Variants in ZNF131 observed in about 807,000 individuals in gnomAD.
ZNF131 encodes zinc finger and BTB domain containing 35.
Under a neutral mutation model 60.0 loss-of-function variants are expected in ZNF131, and 7 were observed. The ratio of observed to expected loss-of-function variants is 0.12; its 90% CI spans 0.07 to 0.22. ZNF131 has a LOEUF of 0.22. Ranked by LOEUF, ZNF131 falls within the 10% of genes least tolerant of loss-of-function variation. ZNF131 has a pLI of 1.00. For missense variants in ZNF131, 493 were observed against 740.9 expected, an observed-to-expected ratio of 0.67 and a Z score of 3.88; for synonymous variants, 257 against 253.2, an observed-to-expected ratio of 1.01 and a Z score of -0.14.
chr5:43,172,089 A>G (rs1751064125), intron 5 of ZNF131, among the ~76,000 whole-genome samples: 1 of 152,154 alleles, frequency 6.6e-6, no homozygotes, highest in African/African-American at 2.4e-5. Flanking sequence ...GACTGTTTTC[A>G]TTGTCATCCT....
At chr5:43,166,530 T>G (rs1750376588) in intron 5 of ZNF131, among the ~76,000 whole-genome samples, 1 of 151,634 alleles carries the variant, frequency 6.6e-6, no homozygotes. Flanking sequence ...CTGGCTAATT[T>G]TTTGTATTTT....
At chr5:43,122,947 A>G (rs1347319181) in intron 2 of ZNF131, among the ~76,000 whole-genome samples, 2 of 152,206 alleles carry the variant, frequency 1.3e-5, no homozygotes, top group South Asian at 2.1e-4. Flanking sequence ...CAGAGTGTCA[A>G]GAGGCTCCTT....
At chr5:43,132,733 G>A (rs1030189172) in intron 3 of ZNF131, among the ~76,000 whole-genome samples, 3 of 152,070 alleles carry the variant, frequency 2.0e-5, no homozygotes, top group African/African-American at 2.4e-5. Context: ...GGGTGGTCTC[G>A]AACTCCTGAC....
At position 43,130,263 on chromosome 5, in the gene ZNF131, C is replaced by CAAAAAAAAAAAAAAAAAAAAAAAAAAA. The variant is rs765959932; in HGVS notation, c.226+6953_226+6954insAAAAAAAAAAAAAAAAAAAAAAAAAAA. Among the ~76,000 whole-genome samples the CAAAAAAAAAAAAAAAAAAAAAAAAAAA allele has an allele frequency of 4.2e-3, 138 of 33,124 alleles. 25 individuals carry two copies. Among genetic ancestry groups the CAAAAAAAAAAAAAAAAAAAAAAAAAAA allele is most frequent in the Admixed American group, 9.9e-3 (23 of 2,328 alleles). 21.7% of individuals were successfully genotyped at this position (33,124 alleles called of 152,430 possible). ...TGAGCGATAGAGTAAGACTCTGTCT[C>CAAAAAAAAAAAAAAAAAAAAAAAAAAA]CAAAAAAAAAAAAAAAAAAGAGGAA... On this transcript the variant is annotated intron_variant, in intron 3 of 6. Transcript: ENST00000682664.
intron 4 of ZNF131, among the ~76,000 whole-genome samples, chr5:43,147,768 T>C (rs1399568647): frequency 1.3e-5 from 2 of 151,214 alleles, no homozygotes; most frequent in East Asian, 1.9e-4. Context: ...GTTTTTTGGT[T>C]TTATGGCCGG....
intron 5 of ZNF131, among the ~76,000 whole-genome samples, chr5:43,172,334 A>G (rs947055259): frequency 1.3e-5 from 2 of 152,032 alleles, no homozygotes; most frequent in Non-Finnish European, 2.9e-5. Context: ...CTTAACCCCT[A>G]ATTTGGCCAG....
At chr5:43,127,571 A>G (rs1744710198) in intron 3 of ZNF131, among the ~76,000 whole-genome samples, 4 of 152,234 alleles carry the variant, frequency 2.6e-5, no homozygotes, top group Admixed American at 2.0e-4. Context: ...ATTGCGTAAA[A>G]GCAAATGACG....
chr5:43,146,381 T>C (rs1419396685), intron 4 of ZNF131, among the ~76,000 whole-genome samples: 2 of 151,998 alleles, frequency 1.3e-5, no homozygotes, highest in African/African-American at 4.8e-5. Context: ...GGTCAGGAGA[T>C]CGAGACCATC....
intron 4 of ZNF131, among the ~76,000 whole-genome samples, chr5:43,150,662 C>T (rs1237959982): frequency 6.6e-6 from 1 of 152,170 alleles, no homozygotes; most frequent in Non-Finnish European, 1.5e-5. Flanking sequence ...CACGGTGACA[C>T]ATGCCTGTAA....
intron 2 of ZNF131, 69 bp downstream of exon 2, chr5:43,122,246 CTTTTTT>C (rs35497367): frequency 7.9e-4 from 811 of 1,030,424 alleles, no homozygotes; most frequent in East Asian, 1.1e-3. Context: ...GGACACCCGC[CTTTTTT>C]TTTTTTTTTT....
chr5:43,141,480 A>G (rs1339711461), intron 4 of ZNF131, among the ~76,000 whole-genome samples: 2 of 151,982 alleles, frequency 1.3e-5, no homozygotes, highest in Non-Finnish European at 2.9e-5. Flanking sequence ...CAAGACTGGG[A>G]TCCCAAGCCT....
At position 43,161,877 on chromosome 5, in the gene ZNF131, G is replaced by A; in HGVS notation, c.1000G>A (p.Glu334Lys). The A allele has an allele frequency of 6.2e-7, 1 of 1,612,032 alleles. No homozygotes were observed. The highest frequency in any genetic ancestry group is 8.5e-7 in the Non-Finnish European group (1 of 1,179,156). ...AAAAATTCATGTATGTCAGTACTGT[G>A]AGAAACAGTTTGACCATTTTGGACA... ...GKKIHVCQYC[E>K]KQFDHFGHFK... is the part of the protein sequence containing the mutation. Residue 334 changes from glutamate (E) to lysine (K), a missense_variant, in exon 5 of 7, where the codon GAG becomes AAG. Glu to Lys is a moderately conservative substitution (Grantham distance 56). Around this residue, in one of 7 missense-constraint regions of ZNF131, gnomAD observed 22 missense variants for 26.7 expected, o/e 0.82. Coordinates refer to ENST00000682664, the MANE Select transcript of ZNF131 (RefSeq NM_001330707.2).
At chr5:43,138,587 G>T (rs1238435752) in intron 3 of ZNF131, among the ~76,000 whole-genome samples, 1 of 152,146 alleles carries the variant, frequency 6.6e-6, no homozygotes, top group Non-Finnish European at 1.5e-5. Context: ...GGGAGGCAGA[G>T]GTTGTGAGCC....
At chr5:43,125,681 C>A (rs371961640) in intron 3 of ZNF131, among the ~76,000 whole-genome samples, 3 of 151,448 alleles carry the variant, frequency 2.0e-5, no homozygotes, top group East Asian at 2.0e-4. Flanking sequence ...TCAGGAAGGC[C>A]GAGGCAGGAG....
intron 4 of ZNF131, among the ~76,000 whole-genome samples, chr5:43,147,481 G>C (rs1248225307): frequency 1.3e-5 from 2 of 151,542 alleles, no homozygotes; most frequent in Non-Finnish European, 2.9e-5. Context: ...GCAGTGGCGT[G>C]ATCTCGGCTC....
chr5:43,143,191 T>G (rs1489545638), intron 4 of ZNF131, among the ~76,000 whole-genome samples: 1 of 151,696 alleles, frequency 6.6e-6, no homozygotes, highest in East Asian at 1.9e-4. Flanking sequence ...CCCAGCTAAT[T>G]TTTGTATTTT....
chr5:43,124,976 G>A (rs1332138359), intron 3 of ZNF131: 1 of 150,994 alleles, frequency 6.6e-6, no homozygotes, highest in Non-Finnish European at 1.5e-5. Context: ...GCTGCAGTGA[G>A]CCATGATTTT....
At chr5:43,140,413 C>T (rs1579773952) in intron 4 of ZNF131, among the ~76,000 whole-genome samples, 2 of 152,162 alleles carry the variant, frequency 1.3e-5, no homozygotes, top group Non-Finnish European at 2.9e-5. Context: ...CAGCTGTGTC[C>T]TCCTCTGTCA....
intron 5 of ZNF131, among the ~76,000 whole-genome samples, chr5:43,172,232 T>G (rs1199966761): frequency 6.6e-6 from 1 of 152,250 alleles, no homozygotes; most frequent in Non-Finnish European, 1.5e-5. Context: ...ACCTGCTGTT[T>G]TAACTTGGTG....
Sources: allele counts gnomAD v4.1 joint callset (sites outside exome capture counted in the v4.1 genomes callset), GRCh38; gene constraint gnomAD v4.1.1; regional missense constraint gnomAD v4.1.1; transcripts MANE v1.5; gene names NCBI Gene and HGNC (gene_info 2026-07-23, HGNC 2026-07-21).